MAST4: variants seen among roughly 807,000 people sequenced by gnomAD.
MAST4 encodes microtubule-associated serine/threonine-protein kinase 4.
Under a neutral mutation model 162.7 loss-of-function variants are expected in MAST4, and 89 were observed. The observed-to-expected ratio is 0.55, with a 90% CI of 0.46 to 0.65. The LOEUF is 0.65. Ranked by LOEUF, MAST4 falls within the 30% of genes least tolerant of loss-of-function variation. MAST4 has a pLI of 0.00. For synonymous variants in MAST4, 1,479 were observed against 1,361.1 expected, an observed-to-expected ratio of 1.09 and a Z score of -1.91; for missense variants, 3,153 against 3,374.0, an observed-to-expected ratio of 0.93 and a Z score of 1.62.
intron 2 of MAST4, among the ~76,000 whole-genome samples, chr5:66,784,152 T>C (rs1372161303): frequency 1.3e-5 from 2 of 151,504 alleles, no homozygotes; most frequent in African/African-American, 2.4e-5. Context: ...GACGTAGGAG[T>C]CCTCCACGAT....
At chr5:66,763,601 A>G (rs1414886915) in intron 2 of MAST4, among the ~76,000 whole-genome samples, 5 of 152,230 alleles carry the variant, frequency 3.3e-5, no homozygotes, top group Non-Finnish European at 7.3e-5. Context: ...TAAAGGTCAT[A>G]TTATAAAAAA....
chr5:67,104,217 G>C, intron 9 of MAST4, 149 bp from the exon 10 acceptor site: 1 of 645,560 alleles, frequency 1.5e-6, no homozygotes, highest in Non-Finnish European at 2.7e-6. Context: ...TATTTTATCA[G>C]AAGTGAGGCT....
At chr5:67,059,889 G>C (rs777703133) in intron 5 of MAST4, among the ~76,000 whole-genome samples, 4 of 151,872 alleles carry the variant, frequency 2.6e-5, no homozygotes, top group Non-Finnish European at 5.9e-5. Context: ...TGCTTGTTTC[G>C]GGTAGGCACA....
chr5:67,090,007 C>G (rs1290674534), intron 5 of MAST4, among the ~76,000 whole-genome samples, 155 bp from the exon 6 acceptor site: 1 of 151,996 alleles, frequency 6.6e-6, no homozygotes, highest in East Asian at 1.9e-4. Flanking sequence ...CCACCGCCCA[C>G]CCCACCATCC....
chr5:66,680,758 C>T (rs962979499), intron 1 of MAST4, among the ~76,000 whole-genome samples: 2 of 152,112 alleles, frequency 1.3e-5, no homozygotes, highest in Non-Finnish European at 2.9e-5. Context: ...AAGGCAAACC[C>T]GAGGGAGAAA....
chr5:66,900,050 C>G lies in MAST4; in HGVS notation c.674+68C>G, dbSNP rs1031085399. ...ATATAGTTTATAGTATGATTCTTCT[C>G]TGATTCATTAGTGGCAATTATAAAA... On this transcript the variant is annotated intron_variant, in intron 4 of 28. Transcript: ENST00000403625. 7.4e-6 allele frequency: 8 copies of G among 1,085,190 alleles called. No homozygotes were observed. In the South Asian group the frequency reaches 9.4e-5, roughly 13 times the overall value. 67.2% of individuals were successfully genotyped at this position (1,085,190 alleles called of 1,614,324 possible). A position where few individuals can be genotyped will look rare whatever the true frequency, so the allele number is the denominator to read the frequency against.
intron 5 of MAST4, among the ~76,000 whole-genome samples, chr5:67,071,522 G>T (rs75970448): frequency 0.011 from 1,699 of 152,258 alleles, 15 homozygotes; most frequent in African/African-American, 0.013. Context: ...GAAGGCCAAG[G>T]GGGGGGCGGG....
intron 3 of MAST4, among the ~76,000 whole-genome samples, chr5:66,798,193 T>C (rs1031316222): frequency 6.6e-6 from 1 of 152,226 alleles, no homozygotes; most frequent in African/African-American, 2.4e-5. Context: ...GTGAGATCTT[T>C]GTGATCTGAC....
Position 67,164,143 on chromosome 5 carries a change from G to A in MAST4, c.4964G>A (p.Arg1655Lys). ...GATGGTCTCTGCCACTCCCTCGACA[G>A]GGGCATCTCTGGGAAGGGGGAAGGC... ...LQDGLCHSLDRGISGKGEGTE... is the reference protein window; with the variant it reads ...LQDGLCHSLDKGISGKGEGTE... Residue 1655 changes from arginine (R) to lysine (K), a missense_variant, in exon 29 of 29, where the codon AGG (arginine) becomes AAG (lysine). Arg to Lys is a conservative substitution (Grantham distance 26, BLOSUM62 2). Coordinates refer to ENST00000403625, the MANE Select transcript of MAST4 (RefSeq NM_001164664.2). The surrounding 1 kb of genome is among the most constrained non-coding windows in gnomAD (Gnocchi z 5.3). The A allele has an allele frequency of 6.2e-7, 1 of 1,607,080 alleles. No individual in the cohort carries two copies. The highest frequency in any genetic ancestry group is 1.1e-5 in the South Asian group (1 of 89,756).
At chr5:66,895,102 C>CTT (rs1233243750) in intron 3 of MAST4, among the ~76,000 whole-genome samples, 1 of 152,162 alleles carries the variant, frequency 6.6e-6, no homozygotes, top group East Asian at 1.9e-4. Flanking sequence ...TTCCTGCCCA[C>CTT]TTTCTGACGT....
chr5:67,038,836 G>T (rs1756365255), intron 4 of MAST4, among the ~76,000 whole-genome samples: 1 of 152,134 alleles, frequency 6.6e-6, no homozygotes, highest in Admixed American at 6.6e-5. Flanking sequence ...ATGTGGTTTT[G>T]CTCCTTACCA....
At chr5:66,877,089 C>T (rs1407592522) in intron 3 of MAST4, among the ~76,000 whole-genome samples, 3 of 152,092 alleles carry the variant, frequency 2.0e-5, no homozygotes, top group Non-Finnish European at 4.4e-5. Flanking sequence ...GGGCCTAGGA[C>T]TGGAAAGTAG....
At chr5:66,846,282 C>T (rs1375418609) in intron 3 of MAST4, among the ~76,000 whole-genome samples, 7 of 152,122 alleles carry the variant, frequency 4.6e-5, no homozygotes, top group Admixed American at 6.6e-5. Context: ...TGGGATAACA[C>T]GGAAGCTCAG....
At chr5:66,841,750 G>A (rs1348585126) in intron 3 of MAST4, among the ~76,000 whole-genome samples, 1 of 152,148 alleles carries the variant, frequency 6.6e-6, no homozygotes, top group African/African-American at 2.4e-5. Context: ...ACTTTGGGGA[G>A]GGGGATACAC....
intron 4 of MAST4, among the ~76,000 whole-genome samples, chr5:66,911,566 C>G (rs1170256339): frequency 1.3e-5 from 1 of 75,540 alleles, no homozygotes; most frequent in Admixed American, 1.1e-4. Context: ...CAACCCCCCC[C>G]CCCCCCCCCG....
At chr5:66,760,001 TC>T in intron 2 of MAST4, 139 bp downstream of exon 2, 1 of 834,772 alleles carries the variant, frequency 1.2e-6, no homozygotes. Context: ...TCTTATCTAA[TC>T]CAGAAAGCAG....
At chr5:67,026,877 A>G (rs1754711703) in intron 4 of MAST4, among the ~76,000 whole-genome samples, 1 of 152,140 alleles carries the variant, frequency 6.6e-6, no homozygotes, top group Non-Finnish European at 1.5e-5. Context: ...CTCACCTTAT[A>G]TTAATATTTT....
intron 1 of MAST4, among the ~76,000 whole-genome samples, chr5:66,750,693 C>T (rs1048388919): frequency 6.6e-6 from 1 of 152,210 alleles, no homozygotes; most frequent in Non-Finnish European, 1.5e-5. Flanking sequence ...TGAGATCAAA[C>T]TGCAAGGCGG....
chr5:66,641,294 G>C (rs1745473091), intron 1 of MAST4, among the ~76,000 whole-genome samples: 1 of 152,024 alleles, frequency 6.6e-6, no homozygotes, highest in Non-Finnish European at 1.5e-5. Context: ...TGGGACTATG[G>C]GAATGTGCTA....
Sources: gnomAD v4.1 joint callset for allele counts (sites outside exome capture counted in the v4.1 genomes callset) on GRCh38, gnomAD v4.1.1 for gene constraint, Gnocchi (gnomAD v3.1) non-coding constraint, MANE v1.5 for transcripts, NCBI Gene and HGNC (gene_info 2026-07-23, HGNC 2026-07-21) for gene names.